The following SV2C variants were observed in gnomAD, a reference collection of about 807,000 sequenced individuals.
SV2C encodes synaptic vesicle glycoprotein 2C, also known as solute carrier family 22 member B3.
SV2C carries 49 observed loss-of-function variants against 79.7 expected under a neutral mutation model. The observed-to-expected ratio is 0.61, with a 90% confidence interval of 0.49 to 0.78. The LOEUF (loss-of-function observed/expected upper bound fraction) is 0.78, where lower values mean the gene tolerates loss of function less well. Ranked by LOEUF, SV2C falls within the 30% of genes least tolerant of loss-of-function variation. The pLI is 0.00. For synonymous variants in SV2C, 334 were observed against 333.2 expected, an observed-to-expected ratio of 1.00 and a Z score of -0.03; for missense variants, 833 against 912.9, an observed-to-expected ratio of 0.91 and a Z score of 1.13.
At chr5:76,152,858 A>G (rs2059157) in intron 2 of SV2C, among the ~76,000 whole-genome samples, 127,230 of 152,242 alleles carry the variant, frequency 0.84, 54,119 homozygotes, top group Non-Finnish European at 0.92. Flanking sequence ...TTAATGTGAT[A>G]TTTATCCCTG....
intron 2 of SV2C, among the ~76,000 whole-genome samples, chr5:76,190,807 A>G (rs933635943): frequency 6.6e-6 from 1 of 152,218 alleles, no homozygotes; most frequent in Non-Finnish European, 1.5e-5. Context: ...TGAGTAACAA[A>G]GCTTTATTTA....
chr5:75,903,014 A>G, the SV2C span, among the ~76,000 whole-genome samples: 37 of 152,276 alleles, frequency 2.4e-4, no homozygotes, highest in African/African-American at 8.7e-4. Context: ...ATCCTGTGAG[A>G]TGGATTCTTG....
Position 76,223,489 on chromosome 5 carries a change from A to ATATATATG in SV2C, c.913+13608_913+13615dup, listed in dbSNP as rs1175179677. Among the ~76,000 whole-genome samples the ATATATATG allele has an allele frequency of 1.3e-4, 5 of 37,736 alleles. 1 individual carries two copies. The highest frequency in any genetic ancestry group is 4.8e-4 in the Admixed American group (2 of 4,126). The allele number at this position is 37,736 out of a possible 152,430, so 24.8% of individuals were successfully genotyped here. On this transcript the variant is annotated intron_variant, in intron 4 of 12. Coordinates refer to ENST00000502798, the MANE Select transcript of SV2C (RefSeq NM_014979.4). ...TATATATATATATATATATATATAT[A>ATATATATG]TATATATGTATATGTATATAAAGAT... is the stretch of plus-strand genomic sequence containing the variant.
intron 4 of SV2C, among the ~76,000 whole-genome samples, chr5:76,239,196 C>T (rs753868148): frequency 6.6e-6 from 1 of 152,134 alleles, no homozygotes; most frequent in Non-Finnish European, 1.5e-5. Context: ...GATCTCATCC[C>T]TCATTATCTC....
At chr5:75,874,247 A>G in the SV2C span, among the ~76,000 whole-genome samples, 1 of 152,232 alleles carries the variant, frequency 6.6e-6, no homozygotes, top group Non-Finnish European at 1.5e-5. Flanking sequence ...AGGTTGGTTC[A>G]ACATATGCAA....
the SV2C span, among the ~76,000 whole-genome samples, chr5:76,035,340 G>A: frequency 6.6e-6 from 1 of 151,802 alleles, no homozygotes; most frequent in African/African-American, 2.4e-5. Context: ...TAATTGTGAT[G>A]TTAGAGGGCA....
At chr5:75,868,252 G>A in the SV2C span, among the ~76,000 whole-genome samples, 1 of 152,206 alleles carries the variant, frequency 6.6e-6, no homozygotes, top group Non-Finnish European at 1.5e-5. Context: ...AAAGTGAAAA[G>A]ATTGGAGAAA....
chr5:76,065,346 C>T, the SV2C span, among the ~76,000 whole-genome samples: 2 of 152,232 alleles, frequency 1.3e-5, no homozygotes, highest in South Asian at 2.1e-4. Context: ...ATCAATACCT[C>T]GAGGCCAGAA....
rs1320378536 is a variant in SV2C at position 76,233,048 on chromosome 5, A to G, written c.913+23161A>G. Among the ~76,000 whole-genome samples, 4 of 141,008 alleles carry G rather than the reference A, an allele frequency of 2.8e-5. 1 individual carries two copies. The highest frequency in any genetic ancestry group is 9.6e-5 in the African/African-American group (3 of 31,348). The allele number at this position is 141,008 out of a possible 152,430, so 92.5% of individuals were successfully genotyped here. A position where few individuals can be genotyped will look rare whatever the true frequency, so the allele number is the denominator to read the frequency against. ...CTTGGGCAGTATGGCCTTTTTCACG[A>G]TATTGATTCTTCCTACCCATGAGCA... On this transcript the variant is annotated intron_variant, in intron 4 of 12. Transcript: ENST00000502798.
chr5:76,035,762 C>A, the SV2C span, among the ~76,000 whole-genome samples: 1 of 152,056 alleles, frequency 6.6e-6, no homozygotes, highest in Non-Finnish European at 1.5e-5. Context: ...TCTATTAGGT[C>A]TGCTTGGTGC....
the SV2C span, among the ~76,000 whole-genome samples, chr5:75,941,434 T>C: frequency 6.6e-6 from 1 of 152,210 alleles, no homozygotes; most frequent in African/African-American, 2.4e-5. Context: ...ATTCAACATA[T>C]GCTTGTTATA....
Position 76,257,263 on chromosome 5 carries a change from ATGTGTGTG to A in SV2C, c.914-27879_914-27872del, listed in dbSNP as rs59644660. 3.8e-3 allele frequency among the ~76,000 whole-genome samples: 517 copies of A among 134,626 alleles called. 4 individuals are homozygous for A. Among genetic ancestry groups the A allele is most frequent in the African/African-American group, 8.6e-3 (342 of 39,852 alleles). The allele number at this position is 134,626 out of a possible 152,430, so 88.3% of individuals were successfully genotyped here. On this transcript the variant is annotated intron_variant, in intron 4 of 12. Transcript: ENST00000502798. ...AGCTCGTGGTGGGGGGCTGTAGTGT[ATGTGTGTG>A]TGTGTGTGTGTGTGTGTGTAGTGTG...
chr5:76,138,121 CATA>C (rs1166988645), intron 2 of SV2C, among the ~76,000 whole-genome samples: 1 of 152,178 alleles, frequency 6.6e-6, no homozygotes, highest in Non-Finnish European at 1.5e-5. Context: ...CAGCGGGAAT[CATA>C]ATATTTCCCA....
chr5:76,153,104 G>T (rs2112233529), intron 2 of SV2C, among the ~76,000 whole-genome samples: 1 of 152,300 alleles, frequency 6.6e-6, no homozygotes, highest in Non-Finnish European at 1.5e-5. Context: ...TGGGAACGTT[G>T]CTTCCTCCAA....
chr5:76,029,807 G>A, the SV2C span, among the ~76,000 whole-genome samples: 4 of 152,238 alleles, frequency 2.6e-5, no homozygotes, highest in Admixed American at 6.5e-5. Context: ...TTACCGTGGC[G>A]ATGTTTACTT....
the SV2C span, among the ~76,000 whole-genome samples, chr5:75,851,957 C>T: frequency 6.6e-6 from 1 of 152,222 alleles, no homozygotes; most frequent in African/African-American, 2.4e-5. Flanking sequence ...GCCACCGCGC[C>T]TGGCCGAAAC....
chr5:75,891,754 A>G, the SV2C span, among the ~76,000 whole-genome samples: 79 of 152,068 alleles, frequency 5.2e-4, no homozygotes, highest in African/African-American at 1.9e-3. Flanking sequence ...GACCATGTAA[A>G]TGTGTTTGTG....
intron 1 of SV2C, among the ~76,000 whole-genome samples, chr5:76,110,588 T>A (rs929296954): frequency 1.3e-5 from 2 of 152,248 alleles, no homozygotes; most frequent in African/African-American, 4.8e-5. Flanking sequence ...TGAATTGAAG[T>A]AATTGTGCTG....
chr5:76,124,221 A>G (rs1561225958), intron 1 of SV2C, among the ~76,000 whole-genome samples: 1 of 152,144 alleles, frequency 6.6e-6, no homozygotes, highest in Non-Finnish European at 1.5e-5. Context: ...CACTCTGTTC[A>G]TCTTGTAAAA....
Sources: gnomAD v4.1 joint callset for allele counts (sites outside exome capture counted in the v4.1 genomes callset) on GRCh38, gnomAD v4.1.1 for gene constraint, MANE v1.5 for transcripts, NCBI Gene and HGNC (gene_info 2026-07-23, HGNC 2026-07-21) for gene names.